SP110: variants seen among roughly 807,000 people sequenced by gnomAD.
SP110 encodes the protein interferon-induced protein 41, 30kD.
Under a neutral mutation model 92.7 loss-of-function variants are expected in SP110, and 62 were observed. The ratio of observed to expected loss-of-function variants is 0.67; its 90% CI spans 0.55 to 0.83. SP110 has a LOEUF of 0.83. Among genes scored for constraint, SP110 ranks in the 40% least tolerant of loss-of-function variants. The pLI is 0.00. For missense variants in SP110, 793 were observed against 863.9 expected (o/e 0.92, Z 1.03); for synonymous variants, 273 against 305.3 (o/e 0.89, Z 1.10).
At chr2:230,175,824 A>G (rs575850360) in intron 14 of SP110, among the ~76,000 whole-genome samples, 1 of 152,332 alleles carries the variant, frequency 6.6e-6, no homozygotes, top group South Asian at 2.1e-4. Flanking sequence ...GGTGCTACCA[A>G]TAAGAAGCAT....
Position 230,169,208 on chromosome 2 carries a change from G to A in SP110, c.2058C>T (p.Asp686=). Residue 686 remains aspartate, a synonymous_variant, in exon 19 of 19, where the codon GAC becomes GAT. Transcript: ENST00000258381. ...GATCTTTTTCAAATTCTGCCTCTAA[G>A]TCAAGTCCTACCTGGCCAAAGTCAG... ...KASDFGQVGL[D]LEAEFEKDLK... 6.2e-7 allele frequency: 1 copy of A among 1,613,232 alleles called. No individual in the cohort carries two copies. Among genetic ancestry groups the A allele is most frequent in the Non-Finnish European group, 8.5e-7 (1 of 1,179,184 alleles).
chr2:230,202,825 C>A (rs1195010218), intron 8 of SP110, 97 bp from the exon 9 acceptor site: 14 of 1,128,828 alleles, frequency 1.2e-5, no homozygotes, highest in Non-Finnish European at 1.9e-5. Context: ...GCCCCTAACT[C>A]CCACTCTTTC....
intron 15 of SP110, 152 bp from the exon 16 acceptor site, chr2:230,172,326 C>T (rs1014233629): frequency 1.3e-5 from 9 of 698,388 alleles, no homozygotes; most frequent in Non-Finnish European, 1.8e-5. Context: ...ATGGGGTCTC[C>T]AGCATTGGCC....
At chr2:230,172,265 T>G in intron 15 of SP110, 91 bp from the exon 16 acceptor site, 1 of 865,136 alleles carries the variant, frequency 1.2e-6, no homozygotes, top group Non-Finnish European at 2.0e-6. Flanking sequence ...TCAGGAAGGA[T>G]GGGCTCAGCC....
At chr2:230,215,253 A>G (rs2044981034) in intron 2 of SP110, 135 bp from the exon 3 acceptor site, 2 of 738,322 alleles carry the variant, frequency 2.7e-6, no homozygotes, top group Non-Finnish European at 4.6e-6. Context: ...ATATAGTCAC[A>G]TTCTCTAAGG....
intron 6 of SP110, 95 bp from the exon 7 acceptor site, chr2:230,210,103 C>T: frequency 1.2e-6 from 1 of 815,172 alleles, no homozygotes; most frequent in Admixed American, 1.7e-5. Flanking sequence ...GTAGAAAGTA[C>T]ATGCAGCCCA....
intron 10 of SP110, among the ~76,000 whole-genome samples, chr2:230,186,355 G>A (rs1388785329): frequency 6.6e-6 from 1 of 152,096 alleles, no homozygotes; most frequent in Admixed American, 6.5e-5. Context: ...TAGAATGCAA[G>A]CTCCACTAGT....
In SP110 at chr2:230,166,800, A is replaced by C. The variant is rs995578465; in HGVS notation, c.*2324T>G. Among the ~76,000 whole-genome samples, 1 of 152,218 alleles carries C rather than the reference A, an allele frequency of 6.6e-6. No homozygotes were observed. The highest frequency in any genetic ancestry group is 6.5e-5 in the Admixed American group (1 of 15,288). ...GGTAGGATGGGATGGGATGGGAATT[A>C]GAGGTGTATCATACATATAAATCAT... On this transcript the variant is annotated 3_prime_UTR_variant, in exon 19 of 19. Coordinates refer to ENST00000258381, the MANE Select transcript of SP110 (RefSeq NM_080424.4).
Position 230,166,820 on chromosome 2 carries a change from A to C in SP110, c.*2304T>G, listed in dbSNP as rs1033789503. Among the ~76,000 whole-genome samples the C allele has an allele frequency of 6.6e-6, 1 of 152,166 alleles. No homozygotes were observed. The highest frequency in any genetic ancestry group is 6.5e-5 in the Admixed American group (1 of 15,270). On this transcript the variant is annotated 3_prime_UTR_variant, in exon 19 of 19. Coordinates refer to ENST00000258381, the MANE Select transcript of SP110 (RefSeq NM_080424.4). ...GAATTAGAGGTGTATCATACATATA[A>C]ATCATGTATCAAGGAAAATTTCCTG... is the stretch of plus-strand genomic sequence containing the variant.
Position 230,169,330 on chromosome 2 carries a change from T to A in SP110, c.2029-93A>T, listed in dbSNP as rs528503751. Reference sequence around the variant, plus strand: ...TTTTTTTTGTGTTTTTGTTTTTGAGTCAGGGTCTTTCCCCGTCACCCAGGC... The same window carrying A: ...TTTTTTTTGTGTTTTTGTTTTTGAGACAGGGTCTTTCCCCGTCACCCAGGC... On this transcript the variant is annotated intron_variant, in intron 18 of 18. Coordinates refer to ENST00000258381, the MANE Select transcript of SP110 (RefSeq NM_080424.4). 46 of 800,308 alleles carry A rather than the reference T, an allele frequency of 5.7e-5. No homozygotes were observed. In the African/African-American group the frequency reaches 7.2e-4, roughly 13 times the overall value. The allele number at this position is 800,308 out of a possible 1,614,324, so 49.6% of individuals were successfully genotyped here. A position where few individuals can be genotyped will look rare whatever the true frequency, so the allele number is the denominator to read the frequency against.
At chr2:230,221,981 A>C (rs1204602623), upstream of SP110, among the ~76,000 whole-genome samples, 9 of 152,236 alleles carry the variant, frequency 5.9e-5, no homozygotes, top group Admixed American at 5.9e-4. Flanking sequence ...CTTAGCTAGC[A>C]CTTTGGGAGG....
At chr2:230,204,417 A>C (rs2043528684) in intron 8 of SP110, among the ~76,000 whole-genome samples, 1 of 152,148 alleles carries the variant, frequency 6.6e-6, no homozygotes, top group Non-Finnish European at 1.5e-5. Context: ...GTCTGCCCTA[A>C]ATATGGGATA....
intron 14 of SP110, among the ~76,000 whole-genome samples, chr2:230,175,126 T>G (rs753693499): frequency 3.9e-5 from 6 of 152,202 alleles, no homozygotes; most frequent in Non-Finnish European, 8.8e-5. Flanking sequence ...AGAAGGCATA[T>G]GTCCCTGTGA....
At position 230,172,168 on chromosome 2, in the gene SP110, C is replaced by T. The variant is rs2078461254; in HGVS notation, c.1713G>A (p.Leu571=). 1 of 1,603,164 alleles carries T rather than the reference C, an allele frequency of 6.2e-7. No individual in the cohort carries two copies. Among genetic ancestry groups the T allele is most frequent in the Non-Finnish European group, 8.5e-7 (1 of 1,169,802 alleles). ...HIPPVEAKRM[L]WSCTFCRMKR... ...TCATCCTGCAGAAGGTGCAACTCCACAGCATCCTGAGAGGTTGGACACAAG... is the reference window on the plus strand; with the variant it reads ...TCATCCTGCAGAAGGTGCAACTCCATAGCATCCTGAGAGGTTGGACACAAG... Residue 571 remains leucine (L), a synonymous_variant, in exon 16 of 19, where the codon CTG becomes CTA. Transcript: ENST00000258381.
chr2:230,199,388 T>C (rs1421655256), intron 10 of SP110, among the ~76,000 whole-genome samples: 2 of 151,578 alleles, frequency 1.3e-5, no homozygotes, highest in East Asian at 1.9e-4. Context: ...TTTGTATTTT[T>C]AGTAGAGACA....
chr2:230,198,493 CT>C (rs2042980253), intron 10 of SP110, among the ~76,000 whole-genome samples: 1 of 152,202 alleles, frequency 6.6e-6, no homozygotes, highest in South Asian at 2.1e-4. Flanking sequence ...AATAAAGCCC[CT>C]GATTCTGAGC....
rs764386118 is a variant in SP110, at chr2:230,170,700, A to G, written c.1949T>C (p.Leu650Pro). ...AMWLDLVKER[L>P]ITEMYTVAWF... ...TGCCACCGTGTACATTTCCGTAATC[A>G]GCCTTTCCTTAACCAGGTCCAACCA... Residue 650 changes from leucine to proline, a missense_variant, in exon 18 of 19, where the codon CTG becomes CCG. Transcript: ENST00000258381. 2.5e-6 allele frequency: 4 copies of G among 1,614,146 alleles called. No individual in the cohort carries two copies. In the South Asian group the frequency reaches 4.4e-5, roughly 18 times the overall value.
At chr2:230,199,046 T>C (rs1453905289) in intron 10 of SP110, among the ~76,000 whole-genome samples, 1 of 151,804 alleles carries the variant, frequency 6.6e-6, no homozygotes, top group African/African-American at 2.4e-5. Context: ...CTGAGGATGA[T>C]GGAGCAACAA....
chr2:230,192,359 A>G (rs2042673886), intron 10 of SP110, among the ~76,000 whole-genome samples: 2 of 152,206 alleles, frequency 1.3e-5, no homozygotes, highest in African/African-American at 4.8e-5. Flanking sequence ...CTGTTTGCAG[A>G]TGACATGATT....
Sources: gnomAD v4.1 joint callset for allele counts (sites outside exome capture counted in the v4.1 genomes callset) on GRCh38, gnomAD v4.1.1 for gene constraint, MANE v1.5 for transcripts, NCBI Gene and HGNC (gene_info 2026-07-23, HGNC 2026-07-21) for gene names.